Variants in KIAA1217 observed in about 807,000 individuals in gnomAD.
KIAA1217 encodes the protein sickle tail protein homolog.
A neutral mutation model predicts 163.9 loss-of-function variants in KIAA1217; 88 were observed. The observed-to-expected ratio is 0.54, with a 90% CI of 0.45 to 0.64. KIAA1217 has a LOEUF of 0.64. Ranked by LOEUF, KIAA1217 falls within the 30% of genes least tolerant of loss-of-function variation. KIAA1217 has a pLI of 0.00. For missense variants in KIAA1217, 2,372 were observed against 2,475.0 expected (o/e 0.96, Z 0.88); for synonymous variants, 903 against 923.1 (o/e 0.98, Z 0.39).
At chr10:24,338,467 C>CT (rs1463752050) in intron 2 of KIAA1217, among the ~76,000 whole-genome samples, 2 of 152,178 alleles carry the variant, frequency 1.3e-5, no homozygotes, top group African/African-American at 4.8e-5. Context: ...CAGATACTCT[C>CT]TAAGTCCTAT....
chr10:24,360,040 CTTTTT>C (rs34396312), intron 2 of KIAA1217, among the ~76,000 whole-genome samples: 20 of 94,292 alleles, frequency 2.1e-4, no homozygotes, highest in African/African-American at 6.2e-4. Flanking sequence ...GATATAATTA[CTTTTT>C]TTTTTTTTTT....
At chr10:24,095,528 C>G (rs145900992) in intron 2 of KIAA1217, among the ~76,000 whole-genome samples, 361 of 152,292 alleles carry the variant, frequency 2.4e-3, no homozygotes, top group African/African-American at 7.7e-3. Context: ...AGCCTTCCTC[C>G]CACTGCATTG....
At chr10:24,226,081 G>T (rs2070481409) in intron 2 of KIAA1217, among the ~76,000 whole-genome samples, 2 of 152,166 alleles carry the variant, frequency 1.3e-5, no homozygotes, top group East Asian at 3.9e-4. Context: ...GAATGGCTAA[G>T]TAATTTTCCC....
chr10:23,835,323 T>A (rs1838392274), intron 1 of KIAA1217, among the ~76,000 whole-genome samples: 1 of 152,034 alleles, frequency 6.6e-6, no homozygotes, highest in Non-Finnish European at 1.5e-5. Flanking sequence ...AAGGCTGAAA[T>A]GTAAAGTGAA....
At chr10:24,178,438 C>A (rs2066010005) in intron 2 of KIAA1217, among the ~76,000 whole-genome samples, 1 of 152,180 alleles carries the variant, frequency 6.6e-6, no homozygotes, top group Admixed American at 6.5e-5. Context: ...GACATAAAGC[C>A]AGGTCTTCTG....
At chr10:23,871,634 T>C (rs1840459466) in intron 1 of KIAA1217, among the ~76,000 whole-genome samples, 1 of 152,000 alleles carries the variant, frequency 6.6e-6, no homozygotes, top group Non-Finnish European at 1.5e-5. Context: ...CTCCCCCTTC[T>C]ACCCCTGTCA....
rs762868355 is a variant in KIAA1217 at position 24,308,888 on chromosome 10, C to T, written c.355-71981C>T. On this transcript the variant is annotated intron_variant, in intron 2 of 20. Coordinates refer to ENST00000376454, the MANE Select transcript of KIAA1217 (RefSeq NM_019590.5). ...CTCTAATCCCAGCACTTTGGGAGTC[C>T]GAGGTGGCTAGATCAGTTGAGGTGA... Among the ~76,000 whole-genome samples the T allele has an allele frequency of 6.1e-4, 92 of 151,926 alleles. 1 individual carries two copies. Among genetic ancestry groups the T allele is most frequent in the Admixed American group, 5.9e-4 (9 of 15,242 alleles).
chr10:24,312,772 G>A (rs1383310452), intron 2 of KIAA1217, among the ~76,000 whole-genome samples: 2 of 152,076 alleles, frequency 1.3e-5, no homozygotes, highest in East Asian at 3.9e-4. Flanking sequence ...AAAATTAGCT[G>A]GGTGTGATGG....
At chr10:23,727,152 T>C (rs1838204081) in intron 1 of KIAA1217, among the ~76,000 whole-genome samples, 1 of 151,982 alleles carries the variant, frequency 6.6e-6, no homozygotes, top group East Asian at 1.9e-4. Context: ...CAAGCCTGGC[T>C]GCTTTTTTTG....
At chr10:24,177,667 A>G (rs2065975728) in intron 2 of KIAA1217, among the ~76,000 whole-genome samples, 1 of 151,962 alleles carries the variant, frequency 6.6e-6, no homozygotes, top group Admixed American at 6.6e-5. Flanking sequence ...CAACTCAGAA[A>G]AAAAGTACAC....
rs530679679 is a variant in KIAA1217, at chr10:23,808,541, T to C, written c.-321+113307T>C. 1.1e-3 allele frequency among the ~76,000 whole-genome samples: 172 copies of C among 151,928 alleles called. 1 individual carries two copies. The highest frequency in any genetic ancestry group is 4.0e-3 in the African/African-American group (164 of 41,446). ...AGGCTTTCTAAAATTAGAACTGCAGTCATTTAAAGAAAAAAGCAAATGGGT... is the reference window on the plus strand; with the variant it reads ...AGGCTTTCTAAAATTAGAACTGCAGCCATTTAAAGAAAAAAGCAAATGGGT... On this transcript the variant is annotated intron_variant, in intron 1 of 18. Transcript: ENST00000376462.
rs576768536 is a variant in KIAA1217, at chr10:24,290,877, C to T, written c.354+70968C>T. Among the ~76,000 whole-genome samples the T allele has an allele frequency of 6.6e-5, 10 of 152,248 alleles. No individual in the cohort carries two copies. In the South Asian group the frequency reaches 2.1e-3, roughly 32 times the overall value. ...TCGGCCTCCCAAAGTGCTGGGATTA[C>T]AGGCATGATCCACCGTGCCTGGCCA... is the stretch of plus-strand genomic sequence containing the variant. On this transcript the variant is annotated intron_variant, in intron 2 of 20. Coordinates refer to ENST00000376454, the MANE Select transcript of KIAA1217 (RefSeq NM_019590.5).
intron 2 of KIAA1217, among the ~76,000 whole-genome samples, chr10:24,101,647 C>G (rs567779863): frequency 6.6e-6 from 1 of 152,142 alleles, no homozygotes; most frequent in African/African-American, 2.4e-5. Flanking sequence ...TTTCGATATA[C>G]TGATGCAAAT....
intron 2 of KIAA1217, among the ~76,000 whole-genome samples, chr10:24,007,678 T>C (rs1229891930): frequency 6.6e-6 from 1 of 152,176 alleles, no homozygotes; most frequent in Non-Finnish European, 1.5e-5. Flanking sequence ...AGACTCTGGC[T>C]CAAAGCCATG....
intron 2 of KIAA1217, among the ~76,000 whole-genome samples, chr10:24,221,113 T>C (rs2069579147): frequency 6.6e-6 from 1 of 152,168 alleles, no homozygotes; most frequent in African/African-American, 2.4e-5. Context: ...TGCTTTGTGC[T>C]AGCTTTCTGT....
intron 1 of KIAA1217, among the ~76,000 whole-genome samples, chr10:23,870,852 A>G (rs532172149): frequency 6.6e-6 from 1 of 152,168 alleles, no homozygotes; most frequent in South Asian, 2.1e-4. Flanking sequence ...AGCTGCTTTT[A>G]CATAACTGTC....
At chr10:24,437,924 A>G (rs2060193437) in intron 4 of KIAA1217, among the ~76,000 whole-genome samples, 1 of 147,070 alleles carries the variant, frequency 6.8e-6, no homozygotes, top group Non-Finnish European at 1.5e-5. Context: ...AAAAAAAAAA[A>G]AGAAAAAGAA....
At chr10:23,754,326 T>C (rs1310773813) in intron 1 of KIAA1217, among the ~76,000 whole-genome samples, 2 of 152,200 alleles carry the variant, frequency 1.3e-5, no homozygotes, top group Non-Finnish European at 2.9e-5. Flanking sequence ...CATTAATGAC[T>C]CATCTCTGTC....
At chr10:24,050,454 C>G (rs1197202577) in intron 2 of KIAA1217, among the ~76,000 whole-genome samples, 2 of 152,138 alleles carry the variant, frequency 1.3e-5, no homozygotes, top group Non-Finnish European at 2.9e-5. Context: ...ACATTTAAGC[C>G]TTTAATCCAT....
Sources: allele counts gnomAD v4.1 joint callset (sites outside exome capture counted in the v4.1 genomes callset), GRCh38; gene constraint gnomAD v4.1.1; transcripts MANE v1.5; gene names NCBI Gene and HGNC (gene_info 2026-07-23, HGNC 2026-07-21).